Variants in CYP4F3 observed in about 807,000 individuals in gnomAD.
The protein encoded by CYP4F3 is cytochrome P450 family 4 subfamily F member 3, also known as cytochrome P450 4F3.
CYP4F3 carries 50 observed loss-of-function variants against 54.8 expected under a neutral mutation model. That is an observed-to-expected ratio of 0.91 (90% confidence interval 0.73 to 1.16). The LOEUF (loss-of-function observed/expected upper bound fraction) is 1.16, where lower values mean the gene tolerates loss of function less well. Among genes scored for constraint, CYP4F3 ranks in the 50% most tolerant of loss-of-function variants. The pLI is 0.00. For missense variants in CYP4F3, 715 were observed against 676.2 expected (o/e 1.06, Z -0.64); for synonymous variants, 244 against 262.6 (o/e 0.93, Z 0.69).
chr19:15,657,782 G>A (rs1333450922), intron 9 of CYP4F3, among the ~76,000 whole-genome samples: 1 of 152,038 alleles, frequency 6.6e-6, no homozygotes, highest in Non-Finnish European at 1.5e-5. Context: ...TTCTTTTTAT[G>A]GAACTGGTAT....
chr19:15,646,985 T>TC (rs28371475), intron 3 of CYP4F3, 67 bp from the exon 4 acceptor site: 2 of 1,599,458 alleles, frequency 1.3e-6, no homozygotes, highest in Admixed American at 3.4e-5. Flanking sequence ...GCTGGGAGCC[T>TC]CCCCCCACCC....
chr19:15,647,995 A>G (rs1972681006), intron 5 of CYP4F3, among the ~76,000 whole-genome samples: 2 of 152,218 alleles, frequency 1.3e-5, no homozygotes, highest in Non-Finnish European at 2.9e-5. Context: ...TCAAAAGCCA[A>G]TAGTCCAACA....
chr19:15,653,735 GGAGAGAGAGAGAGAGA>G (rs60874509), intron 9 of CYP4F3, among the ~76,000 whole-genome samples: 3,115 of 111,764 alleles, frequency 0.028, 187 homozygotes, highest in African/African-American at 0.09. Flanking sequence ...AAGAGAGAGA[GGAGAGAGAGAGAGAGA>G]GAGAGAGAGA....
intron 2 of CYP4F3, among the ~76,000 whole-genome samples, chr19:15,643,404 A>C (rs1050849682): frequency 2.1e-5 from 1 of 48,590 alleles, no homozygotes; most frequent in Non-Finnish European, 3.7e-5. Flanking sequence ...ATATATAGGT[A>C]AATAGATAGA....
At position 15,658,250 on chromosome 19, in the gene CYP4F3, G is replaced by A. The variant is rs1218786841; in HGVS notation, c.1116-14G>A. On this transcript the variant is annotated splice_polypyrimidine_tract_variant and intron_variant, in intron 9 of 12. Transcript: ENST00000221307. ...GCTCCCTTGATAAGGATTGGGGCTG[G>A]GGTGTTTCCTTAGGGACGACCTGGC... 6.2e-7 allele frequency: 1 copy of A among 1,613,800 alleles called. No individual in the cohort carries two copies. Among genetic ancestry groups the A allele is most frequent in the South Asian group, 1.1e-5 (1 of 91,046 alleles).
chr19:15,651,444 T>C (rs1380139195), intron 7 of CYP4F3, among the ~76,000 whole-genome samples: 1 of 137,818 alleles, frequency 7.3e-6, no homozygotes, highest in Non-Finnish European at 1.6e-5. Flanking sequence ...CTCGGCTTAC[T>C]GCAACCTCCG....
In CYP4F3 at chr19:15,647,118, A is replaced by G; in HGVS notation, c.397+13A>G. ...AAGCCCTGGCTGGGTGAGTATCTGT[A>G]GGTGAACAGGGTTGGGAACAACCTG... On this transcript the variant is annotated intron_variant, in intron 4 of 12. Coordinates refer to ENST00000221307, the MANE Select transcript of CYP4F3 (RefSeq NM_000896.3). The G allele has an allele frequency of 5.0e-6, 8 of 1,613,996 alleles. No individual in the cohort carries two copies. The highest frequency in any genetic ancestry group is 6.8e-6 in the Non-Finnish European group (8 of 1,180,000).
intron 9 of CYP4F3, among the ~76,000 whole-genome samples, chr19:15,654,971 T>G (rs1357881266): frequency 6.6e-6 from 1 of 152,214 alleles, no homozygotes; most frequent in Non-Finnish European, 1.5e-5. Context: ...GTGGCTGCAC[T>G]AATTTATATT....
Position 15,650,177 on chromosome 19 carries a change from G to A in CYP4F3, c.912G>A (p.Leu304=). The A allele has an allele frequency of 5.0e-6, 8 of 1,614,174 alleles. No homozygotes were observed. Among genetic ancestry groups the A allele is most frequent in the Non-Finnish European group, 6.8e-6 (8 of 1,180,014 alleles). The change falls in exon 7 of 13, where the codon CTG becomes CTA. Residue 304 remains leucine (L), a synonymous_variant. Coordinates refer to ENST00000221307, the MANE Select transcript of CYP4F3 (RefSeq NM_000896.3). ...TGGACTTCATTGATGTACTCCTGCTGAGCAAGGTGGGCCTCTCTGGGATCT... is the reference window on the plus strand; with the variant it reads ...TGGACTTCATTGATGTACTCCTGCTAAGCAAGGTGGGCCTCTCTGGGATCT... The part of the protein sequence containing the change: ...KTLDFIDVLL[L]SKDEDGKKLS...
chr19:15,643,414 A>C (rs1012840879), intron 2 of CYP4F3, among the ~76,000 whole-genome samples: 1 of 121,176 alleles, frequency 8.3e-6, no homozygotes, highest in African/African-American at 2.9e-5. Context: ...AAATAGATAG[A>C]TAGATAGATA....
intron 9 of CYP4F3, among the ~76,000 whole-genome samples, chr19:15,653,561 C>T (rs1972924925): frequency 6.6e-6 from 1 of 152,066 alleles, no homozygotes; most frequent in Admixed American, 6.6e-5. Context: ...CAGGACAGTC[C>T]CAGCCCACGT....
chr19:15,655,486 G>A (rs754572476), intron 9 of CYP4F3, among the ~76,000 whole-genome samples: 19 of 152,226 alleles, frequency 1.2e-4, no homozygotes, highest in Middle Eastern at 3.4e-3. Flanking sequence ...AAAATTATGC[G>A]TGTAGTTTAA....
chr19:15,659,301 T>C lies in CYP4F3; in HGVS notation c.1479T>C (p.Pro493=), dbSNP rs1370731586. 6.2e-7 allele frequency: 1 copy of C among 1,613,690 alleles called. No individual in the cohort carries two copies. The highest frequency in any genetic ancestry group is 1.3e-5 in the African/African-American group (1 of 74,916). Residue 493 remains proline (P), a synonymous_variant, in exon 13 of 13, where the codon CCT becomes CCC. Coordinates refer to ENST00000221307, the MANE Select transcript of CYP4F3 (RefSeq NM_000896.3). ...CGCTGCTGCGCTTCCGCGTCCTGCC[T>C]GACCACACCGAGCCCCGCAGGAAGC... is the stretch of plus-strand genomic sequence containing the variant. ...GLTLLRFRVL[P]DHTEPRRKPE...
At chr19:15,647,784 TTC>T (rs1288726586) in intron 5 of CYP4F3, among the ~76,000 whole-genome samples, 3 of 152,024 alleles carry the variant, frequency 2.0e-5, no homozygotes, top group African/African-American at 4.8e-5. Context: ...GTTGGCTGAG[TTC>T]TCTCACATGT....
chr19:15,652,506 G>T, intron 7 of CYP4F3, 63 bp from the exon 8 acceptor site: 1 of 1,565,720 alleles, frequency 6.4e-7, no homozygotes, highest in South Asian at 1.1e-5. Flanking sequence ...AGACTCAAGA[G>T]CCCTCAGAGG....
intron 9 of CYP4F3, among the ~76,000 whole-genome samples, chr19:15,653,763 A>AGT (rs1972937033): frequency 2.0e-5 from 2 of 99,418 alleles, no homozygotes; most frequent in African/African-American, 8.4e-5. Context: ...AGAGAGAGAG[A>AGT]GAGAGAGAGA....
intron 3 of CYP4F3, 77 bp from the exon 4 acceptor site, chr19:15,646,975 G>T (rs1972644672): frequency 1.3e-6 from 2 of 1,589,482 alleles, no homozygotes; most frequent in Non-Finnish European, 1.7e-6. Flanking sequence ...CAAACCTCTT[G>T]CTGGGAGCCT....
At chr19:15,657,892 T>C (rs1386121769) in intron 9 of CYP4F3, among the ~76,000 whole-genome samples, 1 of 152,152 alleles carries the variant, frequency 6.6e-6, no homozygotes, top group Non-Finnish European at 1.5e-5. Flanking sequence ...TTGCAAAATA[T>C]TGCCTTTTAA....
At chr19:15,654,792 G>A (rs28846089) in intron 9 of CYP4F3, among the ~76,000 whole-genome samples, 19,540 of 152,104 alleles carry the variant, frequency 0.13, 1,655 homozygotes, top group Middle Eastern at 0.21. Context: ...TATTTTCGTT[G>A]TTGTGAATAG....
Sources: gnomAD v4.1 joint callset for allele counts (sites outside exome capture counted in the v4.1 genomes callset) on GRCh38, gnomAD v4.1.1 for gene constraint, MANE v1.5 for transcripts, NCBI Gene and HGNC (gene_info 2026-07-23, HGNC 2026-07-21) for gene names.